Variants in SETBP1 observed in about 807,000 individuals in gnomAD.
SETBP1 encodes the protein SET-binding protein.
A neutral mutation model predicts 101.0 loss-of-function variants in SETBP1; 9 were observed. The observed-to-expected ratio is 0.09, with a 90% confidence interval of 0.05 to 0.16. The LOEUF is 0.16. SETBP1 is among the 10% of genes least tolerant of loss of function. The probability of loss-of-function intolerance (pLI) is 1.00; values close to 1 mark genes in which losing one functional copy is unlikely to be tolerated. For missense variants in SETBP1, 1,858 were observed against 2,033.8 expected, an observed-to-expected ratio of 0.91 and a Z score of 1.66; for synonymous variants, 818 against 788.5, an observed-to-expected ratio of 1.04 and a Z score of -0.63.
At chr18:44,796,992 A>T (rs911368087) in intron 2 of SETBP1, among the ~76,000 whole-genome samples, 1 of 152,126 alleles carries the variant, frequency 6.6e-6, no homozygotes, top group African/African-American at 2.4e-5. Flanking sequence ...AGGCCTCAGG[A>T]ATGCACTTGC....
intron 5 of SETBP1, among the ~76,000 whole-genome samples, chr18:45,040,976 A>C (rs1355004006): frequency 7.2e-5 from 11 of 152,188 alleles, no homozygotes; most frequent in Non-Finnish European, 1.5e-5. Flanking sequence ...TTCACTCCCC[A>C]CAGATAAAAA....
intron 2 of SETBP1, among the ~76,000 whole-genome samples, chr18:44,800,862 CA>C (rs1402621281): frequency 3.9e-5 from 6 of 152,140 alleles, no homozygotes; most frequent in Admixed American, 3.3e-4. Context: ...TCGCCAATAG[CA>C]AAGGCTTGGA....
At chr18:44,711,183 T>C (rs1399607882) in intron 2 of SETBP1, among the ~76,000 whole-genome samples, 1 of 151,850 alleles carries the variant, frequency 6.6e-6, no homozygotes, top group Non-Finnish European at 1.5e-5. Context: ...GCAACTTTTT[T>C]CTCTTTTCTT....
intron 4 of SETBP1, among the ~76,000 whole-genome samples, chr18:45,030,437 A>C (rs1449796312): frequency 7.7e-6 from 1 of 129,130 alleles, no homozygotes; most frequent in East Asian, 2.1e-4. Context: ...GGATTTTTGC[A>C]TCAATGTTCA....
chr18:45,031,576 A>G (rs985889925), intron 4 of SETBP1, among the ~76,000 whole-genome samples: 7 of 152,174 alleles, frequency 4.6e-5, no homozygotes, highest in Admixed American at 1.3e-4. Flanking sequence ...AATGGAAAAA[A>G]GGAGTTTAAG....
intron 3 of SETBP1, among the ~76,000 whole-genome samples, chr18:44,909,583 C>A (rs1272757362): frequency 6.6e-6 from 1 of 152,184 alleles, no homozygotes; most frequent in African/African-American, 2.4e-5. Flanking sequence ...AGCTTTTTCT[C>A]TTCTCCTGTC....
chr18:44,766,569 G>A (rs537244425), intron 2 of SETBP1, among the ~76,000 whole-genome samples: 11 of 152,284 alleles, frequency 7.2e-5, no homozygotes, highest in South Asian at 6.2e-4. Flanking sequence ...TTCTTTTAAC[G>A]TATATAGACT....
intron 2 of SETBP1, among the ~76,000 whole-genome samples, chr18:44,707,869 G>A (rs533240921): frequency 4.2e-4 from 64 of 152,318 alleles, no homozygotes; most frequent in African/African-American, 1.5e-3. Context: ...TGCTGAGAGT[G>A]ACTCTGTGTA....
intron 2 of SETBP1, among the ~76,000 whole-genome samples, chr18:44,863,725 T>C (rs976732224): frequency 1.3e-5 from 2 of 152,180 alleles, no homozygotes; most frequent in African/African-American, 4.8e-5. Flanking sequence ...GGTCATTTGT[T>C]CTCGCCAAAG....
intron 4 of SETBP1, among the ~76,000 whole-genome samples, chr18:45,020,531 C>G (rs1378110615): frequency 6.6e-6 from 1 of 152,140 alleles, no homozygotes; most frequent in African/African-American, 2.4e-5. Context: ...CAGATCTTCC[C>G]TTAAGGTGGC....
chr18:45,045,380 G>A (rs1167029065), intron 5 of SETBP1, among the ~76,000 whole-genome samples: 2 of 152,098 alleles, frequency 1.3e-5, no homozygotes, highest in South Asian at 2.1e-4. Context: ...GTAGTGAGCC[G>A]AAATCTCACC....
chr18:44,872,159 G>C (rs567495220), intron 3 of SETBP1: 1 of 152,256 alleles, frequency 6.6e-6, no homozygotes, highest in South Asian at 2.1e-4. Flanking sequence ...AGGAATAAGA[G>C]CTGACATCTA....
intron 5 of SETBP1, among the ~76,000 whole-genome samples, chr18:45,049,889 T>C (rs145681647): frequency 6.6e-6 from 1 of 152,162 alleles, no homozygotes; most frequent in Non-Finnish European, 1.5e-5. Flanking sequence ...GAGTATAAAA[T>C]TAATGAGGAA....
At chr18:44,989,270 A>G (rs1023987253) in intron 4 of SETBP1, 1 of 152,182 alleles carries the variant, frequency 6.6e-6, no homozygotes, top group Non-Finnish European at 1.5e-5. Flanking sequence ...AGATTTGAAA[A>G]CTGCCCAAAT....
intron 3 of SETBP1, among the ~76,000 whole-genome samples, chr18:44,895,741 C>T (rs1477799136): frequency 1.3e-5 from 2 of 152,060 alleles, no homozygotes; most frequent in African/African-American, 4.8e-5. Context: ...GACTTATTAA[C>T]TTAACAATGT....
intron 2 of SETBP1, among the ~76,000 whole-genome samples, chr18:44,710,972 G>A (rs2069325843): frequency 6.6e-6 from 1 of 152,086 alleles, no homozygotes; most frequent in Non-Finnish European, 1.5e-5. Context: ...TCCTCAAGAG[G>A]CATACAGACA....
chr18:44,871,107 C>T (rs1237030725), intron 3 of SETBP1: 1 of 152,182 alleles, frequency 6.6e-6, no homozygotes, highest in Non-Finnish European at 1.5e-5. Flanking sequence ...AGGCAAGAAA[C>T]ATAAATGCCT....
chr18:44,751,026 A>G (rs1398421422), intron 2 of SETBP1, among the ~76,000 whole-genome samples: 5 of 152,156 alleles, frequency 3.3e-5, no homozygotes. Flanking sequence ...TAAGTGCACA[A>G]GGGTCAGCCT....
chr18:44,806,766 G>A (rs1000583985), intron 2 of SETBP1, among the ~76,000 whole-genome samples: 1 of 148,870 alleles, frequency 6.7e-6, no homozygotes, highest in Non-Finnish European at 1.5e-5. Context: ...TTAATTCCTG[G>A]ACTCAAGCAA....
Sources: gnomAD v4.1 joint callset for allele counts (sites outside exome capture counted in the v4.1 genomes callset) on GRCh38, gnomAD v4.1.1 for gene constraint, MANE v1.5 for transcripts, NCBI Gene and HGNC (gene_info 2026-07-23, HGNC 2026-07-21) for gene names.